The following MPC2 variants were observed in gnomAD, a reference collection of about 807,000 sequenced individuals.
MPC2 encodes mitochondrial pyruvate carrier 2.
Under a neutral mutation model 19.2 loss-of-function variants are expected in MPC2, and 19 were observed. The ratio of observed to expected loss-of-function variants is 0.99; its 90% CI spans 0.69 to 1.45. The LOEUF (loss-of-function observed/expected upper bound fraction) is 1.45. Among genes scored for constraint, MPC2 ranks in the 40% most tolerant of loss-of-function variants. The pLI, the probability that MPC2 is intolerant of heterozygous loss-of-function variation, is 0.00. For missense variants in MPC2, 122 were observed against 153.0 expected (o/e 0.80, Z 1.07); for synonymous variants, 61 against 54.3 (o/e 1.12, Z -0.54).
At position 167,917,054 on chromosome 1, in the gene MPC2, C is replaced by G. The variant is rs1670469487; in HGVS notation, c.*1269G>C. 6.6e-6 allele frequency: 1 copy of G among 152,158 alleles called. No individual in the cohort carries two copies. The highest frequency in any genetic ancestry group is 2.4e-5 in the African/African-American group (1 of 41,418). 9.4% of individuals were successfully genotyped at this position (152,158 alleles called of 1,614,324 possible). A position where few individuals can be genotyped will look rare whatever the true frequency, so the allele number is the denominator to read the frequency against. On this transcript the variant is annotated 3_prime_UTR_variant, in exon 6 of 6. Transcript: ENST00000271373. ...AAAAAGTTGTTTTGTCTCATTTCTTCAAATTTTGAAATAACTTGCTTTGCT... is the reference window on the plus strand; with the variant it reads ...AAAAAGTTGTTTTGTCTCATTTCTTGAAATTTTGAAATAACTTGCTTTGCT...
At chr1:167,930,182 C>A (rs940084540) in intron 2 of MPC2, among the ~76,000 whole-genome samples, 1 of 152,088 alleles carries the variant, frequency 6.6e-6, no homozygotes, top group Non-Finnish European at 1.5e-5. Flanking sequence ...AAAATAGTAC[C>A]CAAAACATCA....
chr1:167,936,067 C>T, intron 1 of MPC2, 169 bp from the exon 2 acceptor site: 1 of 583,934 alleles, frequency 1.7e-6, no homozygotes, highest in Non-Finnish European at 3.1e-6. Flanking sequence ...AGCCCCCGGT[C>T]CGCCTCCGGC....
chr1:167,929,584 A>G lies in MPC2; in HGVS notation c.110-5047T>C, dbSNP rs574839357. 2.0e-5 allele frequency among the ~76,000 whole-genome samples: 3 copies of G among 152,324 alleles called. No homozygotes were observed. The South Asian group carries it at 6.2e-4, about 32-fold the overall frequency. ...AAATAAACAAATTTAGTTGCCTTGA[A>G]CTTCAATGAACCTATTAATAAACTG... On this transcript the variant is annotated intron_variant, in intron 2 of 5. Transcript: ENST00000271373.
chr1:167,929,935 C>T (rs1670864162), intron 2 of MPC2, among the ~76,000 whole-genome samples: 1 of 152,128 alleles, frequency 6.6e-6, no homozygotes, highest in African/African-American at 2.4e-5. Context: ...TTTAACACCC[C>T]TCTTAATTCC....
intron 3 of MPC2, among the ~76,000 whole-genome samples, chr1:167,923,933 A>T (rs990219285): frequency 6.6e-6 from 1 of 152,242 alleles, no homozygotes; most frequent in Non-Finnish European, 1.5e-5. Flanking sequence ...CATAAAATCA[A>T]TGATTTGCTA....
At chr1:167,925,899 T>C (rs959836685) in intron 2 of MPC2, among the ~76,000 whole-genome samples, 4 of 152,256 alleles carry the variant, frequency 2.6e-5, no homozygotes, top group African/African-American at 9.6e-5. Context: ...ATCAGCCTGA[T>C]ACTTAAATAT....
At chr1:167,932,325 T>C (rs1399598422) in intron 2 of MPC2, among the ~76,000 whole-genome samples, 1 of 152,192 alleles carries the variant, frequency 6.6e-6, no homozygotes, top group Non-Finnish European at 1.5e-5. Context: ...ACAGAATGTA[T>C]ACACAATGAA....
chr1:167,929,667 A>G (rs745767072), intron 2 of MPC2, among the ~76,000 whole-genome samples: 47 of 152,370 alleles, frequency 3.1e-4, no homozygotes, highest in Middle Eastern at 3.4e-3. Context: ...ATAAAATATT[A>G]TATGAATCCT....
Position 167,920,582 on chromosome 1 carries a change from A to C in MPC2, c.200T>G (p.Leu67Arg), listed in dbSNP as rs1670574744. 1 of 1,613,942 alleles carries C rather than the reference A, an allele frequency of 6.2e-7. No homozygotes were observed. The change falls in exon 4 of 6, where the codon CTT becomes CGT. Residue 67 changes from leucine to arginine, a missense_variant. Leu to Arg is a moderately radical substitution (Grantham distance 102). Coordinates refer to ENST00000271373, the MANE Select transcript of MPC2 (RefSeq NM_001143674.4). ...CAAAACAGCAGATTGAGCTGTGCTA[A>C]GTTTTTCTGCAGGTCTGGCCATATC... ...LADMARPAEKLSTAQSAVLMA... is the reference protein window; with the variant it reads ...LADMARPAEKRSTAQSAVLMA...
intron 2 of MPC2, among the ~76,000 whole-genome samples, chr1:167,927,237 A>T (rs1051699672): frequency 5.3e-5 from 8 of 152,200 alleles, no homozygotes; most frequent in African/African-American, 1.9e-4. Flanking sequence ...CCAAGGATAT[A>T]TTAGATTTCA....
Position 167,924,545 on chromosome 1 carries a change from A to G in MPC2, c.110-8T>C. ...AGAAAACTGTTCTGGGACCTGAAAA[A>G]AAAAAGAAAAGAAAAATTCAGGAAT... is the stretch of plus-strand genomic sequence containing the variant. On this transcript the variant is annotated splice_polypyrimidine_tract_variant and splice_region_variant and intron_variant, in intron 2 of 5. Coordinates refer to ENST00000271373, the MANE Select transcript of MPC2 (RefSeq NM_001143674.4). 2 of 1,526,778 alleles carry G rather than the reference A, an allele frequency of 1.3e-6. No homozygotes were observed. The highest frequency in any genetic ancestry group is 1.8e-6 in the Non-Finnish European group (2 of 1,141,726). 94.6% of individuals were successfully genotyped at this position (1,526,778 alleles called of 1,614,324 possible).
intron 3 of MPC2, among the ~76,000 whole-genome samples, chr1:167,922,928 A>C (rs1670639520): frequency 1.3e-5 from 2 of 152,186 alleles, no homozygotes. Context: ...TACACAACTG[A>C]CCAATAAGTA....
chr1:167,925,440 C>CATATATATATAT (rs1387347595), intron 2 of MPC2, among the ~76,000 whole-genome samples: 5 of 49,648 alleles, frequency 1.0e-4, no homozygotes, highest in East Asian at 9.2e-4. Context: ...TATACATATA[C>CATATATATATAT]ACATATATAT....
At chr1:167,927,022 G>A (rs555168856) in intron 2 of MPC2, among the ~76,000 whole-genome samples, 13 of 152,242 alleles carry the variant, frequency 8.5e-5, no homozygotes, top group South Asian at 4.1e-4. Flanking sequence ...ACATTAACCC[G>A]AAGACAAGGT....
At chr1:167,920,505 T>G in intron 4 of MPC2, 42 bp downstream of exon 4, 1 of 1,592,212 alleles carries the variant, frequency 6.3e-7, no homozygotes. Context: ...CAAAAATCAT[T>G]TATGTTCTAC....
chr1:167,925,714 T>C (rs1463080082), intron 2 of MPC2, among the ~76,000 whole-genome samples: 1 of 151,226 alleles, frequency 6.6e-6, no homozygotes, highest in Non-Finnish European at 1.5e-5. Flanking sequence ...ACCCGGCTAA[T>C]TTTTTTGTAT....
At position 167,937,024 on chromosome 1, in the gene MPC2, G is replaced by T. The variant is rs1352826166; in HGVS notation, c.-143C>A. On this transcript the variant is annotated 5_prime_UTR_variant, in exon 1 of 6. Coordinates refer to ENST00000271373, the MANE Select transcript of MPC2 (RefSeq NM_001143674.4). ...CGCTACCTGGGTGAGCGGGGGCCCC[G>T]GGGCGGAGGCGCTGAGGTCGCCGCC... 1 of 1,599,360 alleles carries T rather than the reference G, an allele frequency of 6.3e-7. No homozygotes were observed. Among genetic ancestry groups the T allele is most frequent in the East Asian group, 2.3e-5 (1 of 44,442 alleles).
At chr1:167,936,022 C>G (rs2102571852) in intron 1 of MPC2, 124 bp from the exon 2 acceptor site, 2 of 610,284 alleles carry the variant, frequency 3.3e-6, no homozygotes, top group Non-Finnish European at 5.8e-6. Flanking sequence ...GCCCGCGCCC[C>G]GCGAAGGTTG....
intron 5 of MPC2, among the ~76,000 whole-genome samples, chr1:167,918,890 G>A (rs1670534371): frequency 6.6e-6 from 1 of 151,952 alleles, no homozygotes; most frequent in African/African-American, 2.4e-5. Context: ...ACCATGCCCG[G>A]CCTGCCAAAA....
Sources: allele counts gnomAD v4.1 joint callset (sites outside exome capture counted in the v4.1 genomes callset), GRCh38; gene constraint gnomAD v4.1.1; transcripts MANE v1.5; gene names NCBI Gene and HGNC (gene_info 2026-07-23, HGNC 2026-07-21).